NFIA: variants seen among roughly 807,000 people sequenced by gnomAD.
NFIA encodes the protein nuclear factor 1 A-type.
A neutral mutation model predicts 62.8 loss-of-function variants in NFIA; 8 were observed. The observed-to-expected ratio is 0.13, with a 90% CI of 0.07 to 0.23. The LOEUF (loss-of-function observed/expected upper bound fraction) is 0.23, where lower values mean the gene tolerates loss of function less well. NFIA is among the 10% of genes least tolerant of loss of function. The probability of loss-of-function intolerance (pLI) is 1.00; values close to 1 mark genes in which losing one functional copy is unlikely to be tolerated. For missense variants in NFIA, 410 were observed against 642.1 expected, an observed-to-expected ratio of 0.64 and a Z score of 3.91; for synonymous variants, 235 against 238.1, an observed-to-expected ratio of 0.99 and a Z score of 0.12.
chr1:61,401,018 C>G (rs775217935), intron 7 of NFIA, among the ~76,000 whole-genome samples: 8 of 109,654 alleles, frequency 7.3e-5, no homozygotes, highest in Non-Finnish European at 1.1e-4. Context: ...GAAATAGCAT[C>G]TATTTAATAA....
intron 3 of NFIA, among the ~76,000 whole-genome samples, chr1:61,306,973 C>T (rs1659838134): frequency 6.6e-6 from 1 of 152,190 alleles, no homozygotes; most frequent in African/African-American, 2.4e-5. Flanking sequence ...TCCTCTGTCA[C>T]ATCTAACCCA....
intron 10 of NFIA, among the ~76,000 whole-genome samples, chr1:61,428,423 T>A (rs900122735): frequency 2.0e-5 from 3 of 149,110 alleles, no homozygotes; most frequent in Non-Finnish European, 4.4e-5. Flanking sequence ...ATATTTGGCG[T>A]CATGGGGACA....
intron 2 of NFIA, among the ~76,000 whole-genome samples, chr1:61,204,350 A>G (rs1034115779): frequency 3.3e-5 from 5 of 152,254 alleles, no homozygotes; most frequent in African/African-American, 1.2e-4. Context: ...AGTTTCTAGA[A>G]GGTTGGCCTG....
intron 3 of NFIA, among the ~76,000 whole-genome samples, chr1:61,301,845 G>T (rs911498174): frequency 9.8e-5 from 15 of 152,290 alleles, no homozygotes; most frequent in Admixed American, 6.5e-4. Context: ...CAAGGGGAGT[G>T]AAATGGTAGG....
intron 6 of NFIA, among the ~76,000 whole-genome samples, chr1:61,361,000 G>GGGTA (rs2100446500): frequency 8.8e-5 from 2 of 22,820 alleles, no homozygotes; most frequent in African/African-American, 3.8e-4. Flanking sequence ...GGGAACTCAA[G>GGGTA]GATAGATGGG....
chr1:61,082,745 C>T lies in NFIA; in HGVS notation c.-47C>T, dbSNP rs1319381787. 3 of 1,551,942 alleles carry T rather than the reference C, an allele frequency of 1.9e-6. No individual in the cohort carries two copies. The African/African-American group carries it at 4.1e-5, about 21-fold the overall frequency. Reference sequence around the variant, plus strand: ...TCTCACCCACACTCACGCACACCTCCAAACCGCACACCCAGACGCACACGC... The same window carrying T: ...TCTCACCCACACTCACGCACACCTCTAAACCGCACACCCAGACGCACACGC... On this transcript the variant is annotated 5_prime_UTR_variant, in exon 1 of 11. Coordinates refer to ENST00000403491, the MANE Select transcript of NFIA (RefSeq NM_001134673.4).
At chr1:61,171,006 C>G (rs984507162) in intron 2 of NFIA, among the ~76,000 whole-genome samples, 1 of 152,284 alleles carries the variant, frequency 6.6e-6, no homozygotes, top group Non-Finnish European at 1.5e-5. Context: ...TGCCTTTGCT[C>G]TGTGGCATGT....
At chr1:61,390,276 G>T (rs142463817) in intron 7 of NFIA, among the ~76,000 whole-genome samples, 1 of 151,772 alleles carries the variant, frequency 6.6e-6, no homozygotes, top group African/African-American at 2.4e-5. Flanking sequence ...AAGTACCAAA[G>T]AATTCAGACA....
Position 61,383,220 on chromosome 1 carries a change from T to A in NFIA, c.947-17T>A. 1 of 1,613,876 alleles carries A rather than the reference T, an allele frequency of 6.2e-7. No individual in the cohort carries two copies. The highest frequency in any genetic ancestry group is 8.5e-7 in the Non-Finnish European group (1 of 1,179,804). ...CCATGAATTAAAGTGTACTTACCAG[T>A]TGATCCTTCTTGCCAGGAATGCCAT... On this transcript the variant is annotated splice_polypyrimidine_tract_variant and intron_variant, in intron 6 of 10. Coordinates refer to ENST00000403491, the MANE Select transcript of NFIA (RefSeq NM_001134673.4).
At chr1:61,407,782 A>G (rs1665915816) in intron 9 of NFIA, among the ~76,000 whole-genome samples, 1 of 152,246 alleles carries the variant, frequency 6.6e-6, no homozygotes, top group African/African-American at 2.4e-5. Flanking sequence ...TGTTAAGGCC[A>G]AGAACTTGAA....
chr1:61,142,619 A>G (rs1030977448), intron 2 of NFIA, among the ~76,000 whole-genome samples: 3 of 152,178 alleles, frequency 2.0e-5, no homozygotes, highest in African/African-American at 7.2e-5. Flanking sequence ...TGAAATTGTA[A>G]AGGTTACTTT....
At chr1:61,289,214 G>A (rs1658707158) in intron 3 of NFIA, among the ~76,000 whole-genome samples, 1 of 152,214 alleles carries the variant, frequency 6.6e-6, no homozygotes, top group Admixed American at 6.5e-5. Context: ...TGGAGGAAGT[G>A]TGGCCTTTAA....
chr1:61,338,182 G>T (rs1301631712), intron 4 of NFIA, among the ~76,000 whole-genome samples: 1 of 152,210 alleles, frequency 6.6e-6, no homozygotes, highest in Admixed American at 6.5e-5. Flanking sequence ...GCCAGCCTTA[G>T]AGTCTTTGGG....
At chr1:61,307,513 C>T (rs1659865860) in intron 3 of NFIA, among the ~76,000 whole-genome samples, 1 of 152,218 alleles carries the variant, frequency 6.6e-6, no homozygotes, top group South Asian at 2.1e-4. Context: ...CACCACCCAA[C>T]ACCAGAAAAT....
intron 3 of NFIA, among the ~76,000 whole-genome samples, chr1:61,296,983 C>G (rs893942237): frequency 6.6e-6 from 1 of 152,146 alleles, no homozygotes; most frequent in Non-Finnish European, 1.5e-5. Context: ...GAGGTTCTTA[C>G]TTATAATGTG....
intron 2 of NFIA, among the ~76,000 whole-genome samples, chr1:61,225,778 A>G (rs552437039): frequency 6.6e-6 from 1 of 151,942 alleles, no homozygotes; most frequent in South Asian, 2.1e-4. Context: ...AGTATGAGAG[A>G]TTAATTTATT....
intron 2 of NFIA, among the ~76,000 whole-genome samples, chr1:61,272,002 G>A (rs1657535175): frequency 6.6e-6 from 1 of 152,020 alleles, no homozygotes; most frequent in Non-Finnish European, 1.5e-5. Context: ...TCATTAAGCG[G>A]GCCACAGTTG....
intron 3 of NFIA, among the ~76,000 whole-genome samples, chr1:61,287,385 A>C (rs2100299810): frequency 6.6e-6 from 1 of 152,350 alleles, no homozygotes; most frequent in South Asian, 2.1e-4. Flanking sequence ...TTGTGTAAAC[A>C]ATTATTTCTC....
chr1:61,412,848 G>A (rs1428001165), intron 9 of NFIA, among the ~76,000 whole-genome samples: 1 of 152,144 alleles, frequency 6.6e-6, no homozygotes, highest in African/African-American at 2.4e-5. Context: ...GGGTCTGTTT[G>A]TGCTGTGGTA....
Sources: gnomAD v4.1 joint callset for allele counts (sites outside exome capture counted in the v4.1 genomes callset) on GRCh38, gnomAD v4.1.1 for gene constraint, MANE v1.5 for transcripts, NCBI Gene and HGNC (gene_info 2026-07-23, HGNC 2026-07-21) for gene names.